HELLS: variants seen among roughly 807,000 people sequenced by gnomAD.
The protein encoded by HELLS is helicase, lymphoid specific, also known as lymphoid-specific helicase.
In HELLS, 32 loss-of-function variants were observed where a neutral mutation model predicts 120.0. The observed-to-expected ratio is 0.27, with a 90% CI of 0.20 to 0.36. The LOEUF (loss-of-function observed/expected upper bound fraction) is 0.36, where lower values mean the gene tolerates loss of function less well. HELLS is among the 10% of genes least tolerant of loss of function. The pLI is 1.00. For synonymous variants in HELLS, 341 were observed against 323.4 expected (o/e 1.05, Z -0.58); for missense variants, 650 against 993.4 (o/e 0.65, Z 4.65).
chr10:94,593,979 T>TC (rs1184839195), intron 18 of HELLS, among the ~76,000 whole-genome samples: 1 of 150,796 alleles, frequency 6.6e-6, no homozygotes, highest in East Asian at 1.9e-4. Flanking sequence ...GAATTTTTTT[T>TC]TTTTTTTTTT....
chr10:94,560,736 T>A (rs1843512653), intron 4 of HELLS, among the ~76,000 whole-genome samples: 1 of 151,054 alleles, frequency 6.6e-6, no homozygotes, highest in Non-Finnish European at 1.5e-5. Context: ...CTGGTAATAC[T>A]GAGTCACTGA....
chr10:94,558,304 A>C, intron 4 of HELLS, 109 bp downstream of exon 4: 1 of 1,309,966 alleles, frequency 7.6e-7, no homozygotes, highest in Non-Finnish European at 1.0e-6. Context: ...TTCTTTAGTG[A>C]TAAACCTAAC....
intron 6 of HELLS, among the ~76,000 whole-genome samples, chr10:94,567,905 GTTTTTTTTTT>G (rs34881072): frequency 7.7e-6 from 1 of 130,632 alleles, no homozygotes; most frequent in African/African-American, 3.0e-5. Context: ...TGAAACCCTG[GTTTTTTTTTT>G]TTTTTTTTTT....
At chr10:94,588,120 A>G in intron 12 of HELLS, 109 bp from the exon 13 acceptor site, 1 of 537,906 alleles carries the variant, frequency 1.9e-6, no homozygotes, top group East Asian at 3.2e-5. Context: ...ATTTGGCATT[A>G]TTTATATAGG....
At chr10:94,579,423 G>A (rs982422410) in intron 10 of HELLS, among the ~76,000 whole-genome samples, 2 of 151,458 alleles carry the variant, frequency 1.3e-5, no homozygotes, top group African/African-American at 2.4e-5. Flanking sequence ...GGATGGTCTC[G>A]ATCTCCTGCC....
chr10:94,571,083 A>C (rs979277923), intron 6 of HELLS: 26 of 209,470 alleles, frequency 1.2e-4, no homozygotes, highest in Non-Finnish European at 2.1e-4. Context: ...CCAGGACTAG[A>C]GGTTTGTTGC....
chr10:94,613,147 G>A (rs556092349), exon 10 of HELLS: 5 of 152,286 alleles, frequency 3.3e-5, no homozygotes, highest in South Asian at 4.1e-4. Context: ...AAGTACTTAT[G>A]TACTTTTCAG....
intron 13 of HELLS, among the ~76,000 whole-genome samples, chr10:94,589,471 T>C (rs1420015099): frequency 6.6e-6 from 1 of 152,176 alleles, no homozygotes; most frequent in Non-Finnish European, 1.5e-5. Flanking sequence ...AAAAGATTAA[T>C]AATCAATTTG....
At position 94,568,419 on chromosome 10, in the gene HELLS, A is replaced by G. The variant is rs140065898; in HGVS notation, c.436-2969A>G. 3.5e-3 allele frequency among the ~76,000 whole-genome samples: 526 copies of G among 152,204 alleles called. 1 individual carries two copies. The highest frequency in any genetic ancestry group is 5.4e-3 in the Non-Finnish European group (368 of 68,008). Reference sequence around the variant, plus strand: ...TATCAGAACCAGTATCTACTGTGTCATCTAAAACAATTTAGGAGGTTATCT... The same window carrying G: ...TATCAGAACCAGTATCTACTGTGTCGTCTAAAACAATTTAGGAGGTTATCT... On this transcript the variant is annotated intron_variant, in intron 6 of 21. Transcript: ENST00000348459.
At chr10:94,575,763 G>GTT (rs1484870892) in intron 9 of HELLS, among the ~76,000 whole-genome samples, 11 of 93,762 alleles carry the variant, frequency 1.2e-4, no homozygotes, top group Non-Finnish European at 1.7e-4. Flanking sequence ...TTGGGGGGGG[G>GTT]GTTGTGTTTG....
rs569787528 is a variant in HELLS at position 94,577,926 on chromosome 10, G to A, written c.1032+1121G>A. On this transcript the variant is annotated intron_variant, in intron 10 of 21. Coordinates refer to ENST00000348459, the MANE Select transcript of HELLS (RefSeq NM_018063.5). Reference sequence around the variant, plus strand: ...AATTACAAAAAAATTAGCCGGGCGCGGTGGCGGGCGCCTGTAGTCCCAGCT... The same window carrying A: ...AATTACAAAAAAATTAGCCGGGCGCAGTGGCGGGCGCCTGTAGTCCCAGCT... Among the ~76,000 whole-genome samples the A allele has an allele frequency of 7.3e-3, 1,114 of 152,238 alleles. 7 individuals are homozygous for A. The highest frequency in any genetic ancestry group is 0.011 in the Non-Finnish European group (750 of 68,012).
rs756330021 is a variant in HELLS at position 94,581,388 on chromosome 10, T to G, written c.1095T>G (p.Arg365=). The G allele has an allele frequency of 1.2e-6, 2 of 1,611,746 alleles. No homozygotes were observed. The highest frequency in any genetic ancestry group is 1.7e-6 in the Non-Finnish European group (2 of 1,178,476). The change falls in exon 11 of 22, where the codon CGT becomes CGG. Residue 365 remains arginine, a synonymous_variant. Coordinates refer to ENST00000348459, the MANE Select transcript of HELLS (RefSeq NM_018063.5). ...EGHRIKNMKC[R]LIRELKRFNA... is the part of the protein sequence containing the mutation. ...ACAGGATTAAGAATATGAAGTGCCG[T>G]CTAATCAGGGAGTTAAAACGATTCA... is the stretch of plus-strand genomic sequence containing the variant.
At chr10:94,580,449 T>C (rs1844813818) in intron 10 of HELLS, among the ~76,000 whole-genome samples, 1 of 152,052 alleles carries the variant, frequency 6.6e-6, no homozygotes, top group South Asian at 2.1e-4. Flanking sequence ...CCCAAAGTGC[T>C]GGGATTACAG....
intron 3 of HELLS, among the ~76,000 whole-genome samples, chr10:94,555,844 C>T (rs550244712): frequency 1.5e-4 from 23 of 152,288 alleles, no homozygotes; most frequent in Admixed American, 1.3e-3. Flanking sequence ...CGAGGCTTGT[C>T]TGGAACTCCT....
chr10:94,563,813 T>TTC (rs1188924977), intron 6 of HELLS, among the ~76,000 whole-genome samples: 2 of 150,614 alleles, frequency 1.3e-5, no homozygotes, highest in East Asian at 2.0e-4. Context: ...CTTTTCTTTT[T>TTC]TTTTTTTTTT....
chr10:94,558,160 T>C lies in HELLS; in HGVS notation c.298T>C (p.Leu100=), dbSNP rs755435962. 7 of 1,568,378 alleles carry C rather than the reference T, an allele frequency of 4.5e-6. No individual in the cohort carries two copies. The South Asian group carries it at 7.5e-5, about 17-fold the overall frequency. ...QLEEQKKKEK[L]ERKKESLKVK... ...ACAGGAACAGAAGAAGAAAGAAAAA[T>C]TGGAGAGAAAAAAGGAGTCTTTAAA... is the stretch of plus-strand genomic sequence containing the variant. The change falls in exon 4 of 22, where the codon TTG becomes CTG. Residue 100 remains leucine (L), a synonymous_variant. Transcript: ENST00000348459.
exon 10 of HELLS, chr10:94,612,092 A>G (rs542660149): frequency 1.3e-5 from 2 of 152,208 alleles, no homozygotes; most frequent in Non-Finnish European, 2.9e-5. Flanking sequence ...GTCATTCTCT[A>G]TACCAGTGAA....
At position 94,571,466 on chromosome 10, in the gene HELLS, C is replaced by A; in HGVS notation, c.477+37C>A. The A allele has an allele frequency of 2.8e-6, 4 of 1,422,078 alleles. No homozygotes were observed. In the South Asian group the frequency reaches 3.6e-5, roughly 13 times the overall value. 88.1% of individuals were successfully genotyped at this position (1,422,078 alleles called of 1,614,324 possible). ...ATAATGTAAGATTAAGTTTAGAAGT[C>A]ATATTTACTCCTCAGTTACTAGTCC... is the stretch of plus-strand genomic sequence containing the variant. On this transcript the variant is annotated intron_variant, in intron 7 of 21. Coordinates refer to ENST00000348459, the MANE Select transcript of HELLS (RefSeq NM_018063.5).
chr10:94,584,914 TA>T (rs1564607168), intron 12 of HELLS, among the ~76,000 whole-genome samples: 2 of 152,178 alleles, frequency 1.3e-5, no homozygotes, highest in African/African-American at 4.8e-5. Context: ...AATTTGAGTT[TA>T]TATTACTTTT....
Sources: allele counts gnomAD v4.1 joint callset (sites outside exome capture counted in the v4.1 genomes callset), GRCh38; gene constraint gnomAD v4.1.1; transcripts MANE v1.5; gene names NCBI Gene and HGNC (gene_info 2026-07-23, HGNC 2026-07-21).